The following BABAM2 variants were observed in gnomAD, a reference collection of about 807,000 sequenced individuals.
BABAM2 encodes the protein BRISC and BRCA1 A complex member 2, also known as BRISC and BRCA1-A complex member 2.
A neutral mutation model predicts 54.7 loss-of-function variants in BABAM2; 31 were observed. That is an observed-to-expected ratio of 0.57 (90% CI 0.43 to 0.77). BABAM2 has a LOEUF of 0.77. Ranked by LOEUF, BABAM2 falls within the 30% of genes least tolerant of loss-of-function variation. The pLI is 0.00. For synonymous variants in BABAM2, 167 were observed against 162.9 expected (o/e 1.03, Z -0.19); for missense variants, 364 against 455.8 (o/e 0.80, Z 1.83).
intron 5 of BABAM2, among the ~76,000 whole-genome samples, chr2:28,031,754 C>T (rs1676307740): frequency 6.6e-6 from 1 of 152,104 alleles, no homozygotes; most frequent in Admixed American, 6.6e-5. Flanking sequence ...CCAAGGAAAG[C>T]CTTTACTGGC....
At chr2:28,075,647 A>G (rs191309951) in intron 6 of BABAM2, among the ~76,000 whole-genome samples, 58 of 151,802 alleles carry the variant, frequency 3.8e-4, no homozygotes, top group Non-Finnish European at 7.4e-4. Flanking sequence ...TATAAATCTC[A>G]TGTTTCACAG....
chr2:28,166,887 C>A (rs1014460676), intron 7 of BABAM2, among the ~76,000 whole-genome samples: 3 of 152,128 alleles, frequency 2.0e-5, no homozygotes, highest in Non-Finnish European at 2.9e-5. Context: ...CATGCCATGA[C>A]CCTGATGAGT....
chr2:28,079,837 A>G (rs1665010153), intron 6 of BABAM2, among the ~76,000 whole-genome samples: 1 of 152,186 alleles, frequency 6.6e-6, no homozygotes, highest in African/African-American at 2.4e-5. Context: ...TTACGTTTTC[A>G]CATAAACTCT....
At chr2:28,328,424 A>G (rs1481727102) in intron 11 of BABAM2, among the ~76,000 whole-genome samples, 1 of 152,166 alleles carries the variant, frequency 6.6e-6, no homozygotes, top group East Asian at 1.9e-4. Flanking sequence ...ATGACCTCTG[A>G]CTTGATTTAT....
At chr2:28,077,593 A>G (rs1016831257) in intron 6 of BABAM2, among the ~76,000 whole-genome samples, 3 of 152,170 alleles carry the variant, frequency 2.0e-5, no homozygotes, top group Non-Finnish European at 2.9e-5. Flanking sequence ...GGGAGGGGAC[A>G]ACTATCTTCT....
intron 7 of BABAM2, among the ~76,000 whole-genome samples, chr2:28,206,428 G>A (rs1436728522): frequency 2.6e-5 from 4 of 152,032 alleles, no homozygotes; most frequent in Non-Finnish European, 5.9e-5. Context: ...AACAGAATTC[G>A]GAATATTAGA....
chr2:28,107,410 G>A (rs1273172710), intron 6 of BABAM2, among the ~76,000 whole-genome samples: 6 of 152,132 alleles, frequency 3.9e-5, no homozygotes, highest in African/African-American at 1.4e-4. Flanking sequence ...CATTAAGGCT[G>A]TTTACGCTCT....
At chr2:28,078,546 G>A (rs750328064) in intron 6 of BABAM2, among the ~76,000 whole-genome samples, 20 of 152,116 alleles carry the variant, frequency 1.3e-4, no homozygotes, top group Non-Finnish European at 2.6e-4. Flanking sequence ...ATAGTATATA[G>A]GGGGTTTGAT....
At chr2:28,062,327 G>A (rs1288981792) in intron 6 of BABAM2, among the ~76,000 whole-genome samples, 1 of 151,490 alleles carries the variant, frequency 6.6e-6, no homozygotes, top group African/African-American at 2.4e-5. Context: ...GCACTTTGTG[G>A]GCTGAGTCAG....
At chr2:28,251,988 C>G (rs915795078) in intron 10 of BABAM2, among the ~76,000 whole-genome samples, 4 of 151,966 alleles carry the variant, frequency 2.6e-5, no homozygotes, top group African/African-American at 7.3e-5. Context: ...GTCAGGAGTT[C>G]GAGATCAGCC....
At chr2:28,184,291 C>CT (rs1558415672) in intron 7 of BABAM2, among the ~76,000 whole-genome samples, 1 of 109,966 alleles carries the variant, frequency 9.1e-6, no homozygotes, top group African/African-American at 3.1e-5. Flanking sequence ...TCTCTCCCCC[C>CT]CTCCCTCTCT....
At chr2:27,993,983 C>G (rs973262833) in intron 4 of BABAM2, among the ~76,000 whole-genome samples, 1 of 152,146 alleles carries the variant, frequency 6.6e-6, no homozygotes, top group African/African-American at 2.4e-5. Context: ...AAACGCTATC[C>G]CGATGGATGG....
intron 4 of BABAM2, among the ~76,000 whole-genome samples, chr2:28,008,447 T>A (rs759984177): frequency 4.6e-5 from 7 of 152,260 alleles, no homozygotes; most frequent in South Asian, 2.1e-4. Context: ...TGAAAAAGTA[T>A]GTATGAAACA....
intron 7 of BABAM2, among the ~76,000 whole-genome samples, chr2:28,181,467 G>A (rs2147883605): frequency 6.6e-6 from 1 of 152,286 alleles, no homozygotes; most frequent in South Asian, 2.1e-4. Context: ...CAAACATATA[G>A]TTAGAAGGAA....
At chr2:28,269,105 G>A (rs1196853849) in intron 10 of BABAM2, among the ~76,000 whole-genome samples, 1 of 152,146 alleles carries the variant, frequency 6.6e-6, no homozygotes, top group Non-Finnish European at 1.5e-5. Flanking sequence ...AGCTTCCAGG[G>A]TAACCACATT....
intron 7 of BABAM2, among the ~76,000 whole-genome samples, chr2:28,182,800 C>T (rs1220177873): frequency 6.6e-6 from 1 of 152,200 alleles, no homozygotes; most frequent in Non-Finnish European, 1.5e-5. Flanking sequence ...ACTGTTACTG[C>T]ATCCAAAGTA....
intron 5 of BABAM2, among the ~76,000 whole-genome samples, chr2:28,045,170 AG>A (rs940505232): frequency 4.6e-5 from 7 of 152,184 alleles, no homozygotes; most frequent in African/African-American, 2.4e-5. Context: ...TAGTTCATGG[AG>A]GGAGTTATGA....
chr2:28,049,834 A>T (rs554944779), intron 6 of BABAM2, among the ~76,000 whole-genome samples: 1 of 152,320 alleles, frequency 6.6e-6, no homozygotes, highest in South Asian at 2.1e-4. Flanking sequence ...GTCTAAGCAG[A>T]TCACTAACAT....
chr2:28,089,319 G>GA (rs145474886), intron 6 of BABAM2, among the ~76,000 whole-genome samples: 3,701 of 152,268 alleles, frequency 0.024, 57 homozygotes, highest in Middle Eastern at 0.044. Flanking sequence ...ATTCAAAAGT[G>GA]AAAATCACTG....
Sources: gnomAD v4.1 joint callset for allele counts (sites outside exome capture counted in the v4.1 genomes callset) on GRCh38, gnomAD v4.1.1 for gene constraint, MANE v1.5 for transcripts, NCBI Gene and HGNC (gene_info 2026-07-23, HGNC 2026-07-21) for gene names.